The following MORC1 variants were observed in gnomAD, a reference collection of about 807,000 sequenced individuals.
MORC1 encodes the protein MORC family CW-type zinc finger 1.
Under a neutral mutation model 134.9 loss-of-function variants are expected in MORC1, and 59 were observed. The observed-to-expected ratio is 0.44, with a 90% CI of 0.35 to 0.54. MORC1 has a LOEUF of 0.54. Among genes scored for constraint, MORC1 ranks in the 20% least tolerant of loss-of-function variants. The pLI, the probability that MORC1 is intolerant of heterozygous loss-of-function variation, is 0.00. For synonymous variants in MORC1, 395 were observed against 391.7 expected (o/e 1.01, Z -0.10); for missense variants, 947 against 1,134.5 (o/e 0.83, Z 2.37).
rs1553753581 is a variant in MORC1 at position 109,040,352 on chromosome 3, C to CAGAAAGAAAGAA, written c.1331-4885_1331-4884insTTCTTTCTTTCT. 5.8e-3 allele frequency among the ~76,000 whole-genome samples: 208 copies of CAGAAAGAAAGAA among 35,936 alleles called. 29 individuals carry two copies. The highest frequency in any genetic ancestry group is 0.012 in the South Asian group (10 of 850). 23.6% of individuals were successfully genotyped at this position (35,936 alleles called of 152,430 possible). On this transcript the variant is annotated intron_variant, in intron 14 of 27. Transcript: ENST00000232603. ...GACTGTCTCAAAGACACTCAAAGAA[C>CAGAAAGAAAGAA]TGAAAGAAAGAAAGAAAGAAAGAAA... is the stretch of plus-strand genomic sequence containing the variant.
intron 17 of MORC1, among the ~76,000 whole-genome samples, chr3:109,021,447 T>A (rs1948955565): frequency 6.6e-6 from 1 of 152,230 alleles, no homozygotes; most frequent in Non-Finnish European, 1.5e-5. Flanking sequence ...GTGGCAAGAC[T>A]GCCTGCAACT....
At chr3:109,026,580 T>C (rs1949078780) in intron 17 of MORC1, among the ~76,000 whole-genome samples, 1 of 152,168 alleles carries the variant, frequency 6.6e-6, no homozygotes, top group South Asian at 2.1e-4. Flanking sequence ...GCAATAAAGA[T>C]GCAATCAATT....
At chr3:108,961,121 G>A (rs981060147) in intron 27 of MORC1, among the ~76,000 whole-genome samples, 15 of 152,112 alleles carry the variant, frequency 9.9e-5, no homozygotes, top group Admixed American at 7.9e-4. Context: ...CCAACTGAAC[G>A]AACAGATAAG....
intron 12 of MORC1, 66 bp from the exon 13 acceptor site, chr3:109,057,552 G>T: frequency 7.3e-7 from 1 of 1,374,250 alleles, no homozygotes. Flanking sequence ...TTAGGAAACT[G>T]CTAATAATTA....
rs897877005 is a variant in MORC1 at position 109,117,847 on chromosome 3, G to GT, written c.65+147dup. The GT allele has an allele frequency of 1.1e-5, 8 of 703,464 alleles. No individual in the cohort carries two copies. In the African/African-American group the frequency reaches 1.5e-4, roughly 13 times the overall value. 43.6% of individuals were successfully genotyped at this position (703,464 alleles called of 1,614,324 possible). On this transcript the variant is annotated intron_variant, in intron 1 of 27. Coordinates refer to ENST00000232603, the MANE Select transcript of MORC1 (RefSeq NM_014429.4). Reference sequence around the variant, plus strand: ...AATATATCTTTATTATGCTTTCATCGTTTTAAAAAAAGCCTATACAGCTCA... The same window carrying GT: ...AATATATCTTTATTATGCTTTCATCGTTTTTAAAAAAAGCCTATACAGCTCA...
intron 14 of MORC1, among the ~76,000 whole-genome samples, chr3:109,043,138 A>C (rs1949595215): frequency 1.4e-5 from 2 of 140,190 alleles, no homozygotes; most frequent in Non-Finnish European, 3.1e-5. Flanking sequence ...CATGGAAGCA[A>C]CTCAAGTGTC....
chr3:108,983,065 T>A (rs1256945336), intron 23 of MORC1, among the ~76,000 whole-genome samples: 4 of 151,916 alleles, frequency 2.6e-5, no homozygotes, highest in Non-Finnish European at 5.9e-5. Flanking sequence ...AAGTATTACA[T>A]GAAATAATAT....
intron 12 of MORC1, 37 bp downstream of exon 12, chr3:109,059,769 C>A (rs1026841516): frequency 5.0e-6 from 8 of 1,584,598 alleles, no homozygotes; most frequent in Non-Finnish European, 6.9e-6. Flanking sequence ...TAACAGAGTA[C>A]AGAGGATTCC....
chr3:109,095,373 AGCACACGC>A (rs1247476604), intron 6 of MORC1, among the ~76,000 whole-genome samples: 1 of 152,186 alleles, frequency 6.6e-6, no homozygotes, highest in Non-Finnish European at 1.5e-5. Flanking sequence ...AGCAGATGAC[AGCACACGC>A]AAGAAAAGCA....
intron 8 of MORC1, among the ~76,000 whole-genome samples, chr3:109,092,338 A>C (rs192822486): frequency 5.8e-4 from 88 of 152,348 alleles, no homozygotes; most frequent in Admixed American, 2.9e-3. Flanking sequence ...GGTAATCTAA[A>C]AGTGTGTTAT....
intron 26 of MORC1, among the ~76,000 whole-genome samples, chr3:108,967,206 C>G (rs1947244914): frequency 6.6e-6 from 1 of 152,018 alleles, no homozygotes; most frequent in South Asian, 2.1e-4. Flanking sequence ...CTCTGTTCAC[C>G]CTGAATAAAC....
chr3:108,997,154 C>T (rs973951473), intron 21 of MORC1, among the ~76,000 whole-genome samples: 4 of 151,632 alleles, frequency 2.6e-5, no homozygotes, highest in African/African-American at 4.9e-5. Context: ...TGGTGCAGAA[C>T]GAAATGCCAG....
intron 11 of MORC1, 101 bp from the exon 12 acceptor site, chr3:109,059,971 G>T: frequency 1.1e-6 from 1 of 878,026 alleles, no homozygotes. Context: ...GGTAACAATA[G>T]CTCACATTAC....
At chr3:109,102,812 C>T (rs912056870) in intron 4 of MORC1, among the ~76,000 whole-genome samples, 3 of 152,032 alleles carry the variant, frequency 2.0e-5, no homozygotes, top group Non-Finnish European at 4.4e-5. Context: ...TGAAAAATTA[C>T]TTTTTTCAGC....
chr3:109,026,203 T>G (rs1949070038), intron 17 of MORC1, among the ~76,000 whole-genome samples: 1 of 152,166 alleles, frequency 6.6e-6, no homozygotes, highest in African/African-American at 2.4e-5. Context: ...AAAAAGATTT[T>G]GTAAAATCTT....
At chr3:109,043,423 G>A (rs1451610919) in intron 14 of MORC1, among the ~76,000 whole-genome samples, 2 of 152,112 alleles carry the variant, frequency 1.3e-5, no homozygotes, top group South Asian at 2.1e-4. Context: ...GGAATTGGGA[G>A]CTATTGTTTC....
In MORC1 at chr3:109,099,551, TA is replaced by T; in HGVS notation, c.315-86del. ...GGCAGACTGTTATCACCGTGTACTGTAACAGGATGTTCTTTCCAACACTCTG... is the reference window on the plus strand; with the variant it reads ...GGCAGACTGTTATCACCGTGTACTGTACAGGATGTTCTTTCCAACACTCTG... On this transcript the variant is annotated intron_variant, in intron 5 of 27. Transcript: ENST00000232603. 3 of 982,710 alleles carry T rather than the reference TA, an allele frequency of 3.1e-6. No homozygotes were observed. In the South Asian group the frequency reaches 5.6e-5, roughly 18 times the overall value. The allele number at this position is 982,710 out of a possible 1,614,324, so 60.9% of individuals were successfully genotyped here. A position where few individuals can be genotyped will look rare whatever the true frequency, so the allele number is the denominator to read the frequency against.
chr3:109,043,906 G>C (rs1949620354), intron 14 of MORC1, among the ~76,000 whole-genome samples: 1 of 152,148 alleles, frequency 6.6e-6, no homozygotes, highest in South Asian at 2.1e-4. Flanking sequence ...GAGCCATGCA[G>C]ATAACCCCAA....
intron 14 of MORC1, among the ~76,000 whole-genome samples, chr3:109,036,221 G>A (rs193045010): frequency 2.0e-4 from 31 of 152,292 alleles, no homozygotes; most frequent in Non-Finnish European, 3.7e-4. Flanking sequence ...AACGGAGGAA[G>A]TAGAGCTAAA....
Sources: gnomAD v4.1 joint callset for allele counts (sites outside exome capture counted in the v4.1 genomes callset) on GRCh38, gnomAD v4.1.1 for gene constraint, MANE v1.5 for transcripts, NCBI Gene and HGNC (gene_info 2026-07-23, HGNC 2026-07-21) for gene names.